CAMTA1: variants seen among roughly 807,000 people sequenced by gnomAD.
The protein encoded by CAMTA1 is calmodulin binding transcription activator 1, also known as calmodulin-binding transcription activator 1.
A neutral mutation model predicts 170.9 loss-of-function variants in CAMTA1; 27 were observed. The ratio of observed to expected loss-of-function variants is 0.16; its 90% CI spans 0.12 to 0.22. The LOEUF is 0.22. Among genes scored for constraint, CAMTA1 ranks in the 10% least tolerant of loss-of-function variants. The pLI, the probability that CAMTA1 is intolerant of heterozygous loss-of-function variation, is 1.00. For missense variants in CAMTA1, 1,619 were observed against 2,217.2 expected (o/e 0.73, Z 5.42); for synonymous variants, 833 against 891.5 (o/e 0.93, Z 1.17).
intron 5 of CAMTA1, among the ~76,000 whole-genome samples, chr1:7,373,206 A>G (rs1156338053): frequency 6.6e-6 from 1 of 152,012 alleles, no homozygotes; most frequent in Admixed American, 6.6e-5. Context: ...CTTGGCCTCC[A>G]CCTCCTGGAG....
chr1:7,009,151 C>T (rs1414165576), intron 3 of CAMTA1, among the ~76,000 whole-genome samples: 2 of 152,244 alleles, frequency 1.3e-5, no homozygotes, highest in Non-Finnish European at 2.9e-5. Context: ...CATGTCCCTT[C>T]CCTTTCTGGG....
chr1:7,148,357 C>G (rs1045092974), intron 4 of CAMTA1, among the ~76,000 whole-genome samples: 1 of 152,022 alleles, frequency 6.6e-6, no homozygotes, highest in Non-Finnish European at 1.5e-5. Context: ...ATACACTACC[C>G]ACACACATAC....
At chr1:6,925,980 A>G (rs1007345642) in intron 3 of CAMTA1, among the ~76,000 whole-genome samples, 6 of 152,140 alleles carry the variant, frequency 3.9e-5, no homozygotes, top group Non-Finnish European at 8.8e-5. Context: ...TCCTGTGGGT[A>G]TCATGTCCAT....
intron 5 of CAMTA1, among the ~76,000 whole-genome samples, chr1:7,282,238 C>T (rs1671625451): frequency 6.6e-6 from 1 of 152,148 alleles, no homozygotes. Flanking sequence ...CCTGCAGGCC[C>T]AACCACCTGT....
At chr1:7,417,899 C>G (rs1305236527) in intron 5 of CAMTA1, among the ~76,000 whole-genome samples, 4 of 152,166 alleles carry the variant, frequency 2.6e-5, no homozygotes, top group Non-Finnish European at 5.9e-5. Flanking sequence ...CGAGCTGTTC[C>G]TATTTGGCCA....
intron 5 of CAMTA1, among the ~76,000 whole-genome samples, chr1:7,257,083 G>GC (rs933865547): frequency 2.8e-5 from 4 of 140,570 alleles, no homozygotes; most frequent in Non-Finnish European, 5.9e-5. Flanking sequence ...TGGCGGGGGC[G>GC]GGGGTTGGTT....
At chr1:7,709,993 A>AT (rs771330715) in intron 11 of CAMTA1, among the ~76,000 whole-genome samples, 7 of 152,340 alleles carry the variant, frequency 4.6e-5, no homozygotes, top group Admixed American at 6.5e-5. Flanking sequence ...ATATTTCCTA[A>AT]TTCTCTTTCA....
At chr1:7,569,477 C>T (rs1020269803) in intron 6 of CAMTA1, among the ~76,000 whole-genome samples, 1 of 151,830 alleles carries the variant, frequency 6.6e-6, no homozygotes, top group Admixed American at 6.6e-5. Context: ...TCTCCATCAT[C>T]ATCATGATCA....
In CAMTA1 at chr1:6,965,897, A is replaced by G. The variant is rs1010712271; in HGVS notation, c.235-125407A>G. ...CGATGCCGCACGTCTGGCATTAGTT[A>G]CTGCTTGTTGTGTCCTGTGGAAACT... is the stretch of plus-strand genomic sequence containing the variant. On this transcript the variant is annotated intron_variant, in intron 3 of 22. Transcript: ENST00000303635. The surrounding 1 kb of genome is among the most constrained non-coding windows in gnomAD (Gnocchi z 4.1). Among the ~76,000 whole-genome samples the G allele has an allele frequency of 1.3e-5, 2 of 152,140 alleles. No homozygotes were observed. Among genetic ancestry groups the G allele is most frequent in the African/African-American group, 4.8e-5 (2 of 41,422 alleles).
In CAMTA1 at chr1:7,195,210, T is replaced by C. The variant is rs1457021945; in HGVS notation, c.303-54281T>C. ...GGCAGCTTGATGGACATTTGTGCCGTCCACCTTGCAGGCATATGGCAGCTC... is the reference window on the plus strand; with the variant it reads ...GGCAGCTTGATGGACATTTGTGCCGCCCACCTTGCAGGCATATGGCAGCTC... On this transcript the variant is annotated intron_variant, in intron 4 of 22. Transcript: ENST00000303635. The surrounding 1 kb of genome is among the most constrained non-coding windows in gnomAD (Gnocchi z 4.1). Among the ~76,000 whole-genome samples the C allele has an allele frequency of 6.6e-6, 1 of 152,152 alleles. No homozygotes were observed. Among genetic ancestry groups the C allele is most frequent in the Non-Finnish European group, 1.5e-5 (1 of 68,032 alleles).
rs925932067 is a variant in CAMTA1 at position 7,642,276 on chromosome 1, C to T, written c.664+1723C>T. On this transcript the variant is annotated intron_variant, in intron 7 of 22. Coordinates refer to ENST00000303635, the MANE Select transcript of CAMTA1 (RefSeq NM_015215.4). This position sits in a 1 kb window ranked among gnomAD's most constrained non-coding sequence, Gnocchi z 6.3. ...GCACAGCTGCCCTTGGGAAGCCCTC[C>T]GGCTCTCTGCACAGTGCTGGGTGTG... Among the ~76,000 whole-genome samples the T allele has an allele frequency of 1.7e-4, 26 of 152,222 alleles. No homozygotes were observed. Among genetic ancestry groups the T allele is most frequent in the African/African-American group, 4.6e-4 (19 of 41,454 alleles).
intron 5 of CAMTA1, among the ~76,000 whole-genome samples, chr1:7,332,911 G>T (rs187041470): frequency 1.2e-4 from 18 of 152,346 alleles, no homozygotes; most frequent in African/African-American, 4.1e-4. Context: ...GAGAGGTGCA[G>T]GGAAAGCTGA....
chr1:7,575,389 C>T (rs969294553), intron 6 of CAMTA1, among the ~76,000 whole-genome samples: 3 of 152,134 alleles, frequency 2.0e-5, no homozygotes, highest in African/African-American at 7.2e-5. Flanking sequence ...GTGGGTCAGA[C>T]GTCCTCCCAG....
chr1:7,399,653 G>A (rs2089732063), intron 5 of CAMTA1, among the ~76,000 whole-genome samples: 1 of 152,204 alleles, frequency 6.6e-6, no homozygotes, highest in Non-Finnish European at 1.5e-5. Flanking sequence ...TATTTCTTGT[G>A]AGGTTGGTCT....
intron 3 of CAMTA1, among the ~76,000 whole-genome samples, chr1:6,938,045 C>T (rs562624369): frequency 9.2e-5 from 14 of 152,316 alleles, no homozygotes; most frequent in South Asian, 8.3e-4. Context: ...ACAGAAGTCT[C>T]GGTAAGTAAC....
intron 6 of CAMTA1, among the ~76,000 whole-genome samples, chr1:7,525,549 T>G (rs1164222675): frequency 2.0e-5 from 3 of 151,816 alleles, no homozygotes; most frequent in African/African-American, 7.3e-5. Flanking sequence ...AATTGGAGAG[T>G]TGCCGAGTTG....
At chr1:6,910,156 G>T (rs1377412331) in intron 3 of CAMTA1, among the ~76,000 whole-genome samples, 3 of 152,238 alleles carry the variant, frequency 2.0e-5, no homozygotes, top group African/African-American at 7.2e-5. Context: ...TAAGGCACTA[G>T]TACCCGTTAT....
intron 3 of CAMTA1, chr1:6,834,677 G>A (rs747201945): frequency 3.9e-5 from 6 of 155,560 alleles, no homozygotes; most frequent in Non-Finnish European, 7.1e-5. Context: ...GTGCTCTGTT[G>A]TCCTGGCTGG....
chr1:7,129,567 T>C (rs1645129001), intron 4 of CAMTA1, among the ~76,000 whole-genome samples: 1 of 152,214 alleles, frequency 6.6e-6, no homozygotes, highest in East Asian at 1.9e-4. Flanking sequence ...TACACTTAAT[T>C]CCTTTTTGCC....
Sources: gnomAD v4.1 joint callset for allele counts (sites outside exome capture counted in the v4.1 genomes callset) on GRCh38, gnomAD v4.1.1 for gene constraint, Gnocchi (gnomAD v3.1) non-coding constraint, MANE v1.5 for transcripts, NCBI Gene and HGNC (gene_info 2026-07-23, HGNC 2026-07-21) for gene names.